OPCML: variants seen among roughly 807,000 people sequenced by gnomAD.
OPCML encodes the protein opioid-binding protein/cell adhesion molecule.
OPCML carries 13 observed loss-of-function variants against 37.8 expected under a neutral mutation model. The ratio of observed to expected loss-of-function variants is 0.34; its 90% CI spans 0.22 to 0.55. The LOEUF (loss-of-function observed/expected upper bound fraction) is 0.55. Ranked by LOEUF, OPCML falls within the 20% of genes least tolerant of loss-of-function variation. The probability of loss-of-function intolerance (pLI) is 0.91; values close to 1 mark genes in which losing one functional copy is unlikely to be tolerated. For missense variants in OPCML, 341 were observed against 435.6 expected, an observed-to-expected ratio of 0.78 and a Z score of 1.93; for synonymous variants, 176 against 168.8, an observed-to-expected ratio of 1.04 and a Z score of -0.33.
chr11:132,845,229 T>A (rs1350817325), intron 2 of OPCML, among the ~76,000 whole-genome samples: 1 of 152,118 alleles, frequency 6.6e-6, no homozygotes, highest in Non-Finnish European at 1.5e-5. Flanking sequence ...TTGTGATTTT[T>A]TTTTTCTCCT....
intron 3 of OPCML, among the ~76,000 whole-genome samples, chr11:132,622,780 C>T (rs1234446509): frequency 6.6e-6 from 1 of 152,162 alleles, no homozygotes; most frequent in African/African-American, 2.4e-5. Context: ...CTGTAGTGCC[C>T]TTGTCTTGTG....
intron 2 of OPCML, among the ~76,000 whole-genome samples, chr11:132,707,589 G>A (rs1049474654): frequency 6.6e-6 from 1 of 152,180 alleles, no homozygotes; most frequent in African/African-American, 2.4e-5. Flanking sequence ...CCAGGCACAT[G>A]GCTGAGAAAT....
chr11:133,501,443 A>G (rs2120541932), intron 1 of OPCML, among the ~76,000 whole-genome samples: 1 of 152,352 alleles, frequency 6.6e-6, no homozygotes, highest in African/African-American at 2.4e-5. Context: ...TCCCTTCCAA[A>G]ACTTAAATGA....
intron 1 of OPCML, among the ~76,000 whole-genome samples, chr11:133,466,659 A>T (rs1026803891): frequency 2.6e-5 from 4 of 152,196 alleles, no homozygotes; most frequent in African/African-American, 9.7e-5. Flanking sequence ...CTTTTTTCTC[A>T]GTTTAGAAAA....
chr11:132,615,673 T>C (rs981426550), intron 3 of OPCML, among the ~76,000 whole-genome samples: 8 of 152,284 alleles, frequency 5.3e-5, no homozygotes, highest in African/African-American at 1.9e-4. Flanking sequence ...TATAAGGTAT[T>C]TGAGCATCTG....
At chr11:133,224,951 C>T (rs1939980865) in intron 1 of OPCML, among the ~76,000 whole-genome samples, 1 of 152,182 alleles carries the variant, frequency 6.6e-6, no homozygotes, top group Admixed American at 6.5e-5. Context: ...TCAGAGGTAC[C>T]TGCAAGTTTC....
At position 132,770,742 on chromosome 11, in the gene OPCML, G is replaced by A. The variant is rs186506482; in HGVS notation, c.147-113423C>T. Among the ~76,000 whole-genome samples, 203 of 152,210 alleles carry A rather than the reference G, an allele frequency of 1.3e-3. 1 individual carries two copies. The highest frequency in any genetic ancestry group is 4.6e-3 in the African/African-American group (190 of 41,526). On this transcript the variant is annotated intron_variant, in intron 2 of 7. Transcript: ENST00000524381. ...TTTCTGAGGAGCCTACTGGAAGCACGGGCAGCTGGAATTGAACTGGCAACT... is the reference window on the plus strand; with the variant it reads ...TTTCTGAGGAGCCTACTGGAAGCACAGGCAGCTGGAATTGAACTGGCAACT...
At chr11:132,816,186 C>T (rs1235803446) in intron 2 of OPCML, among the ~76,000 whole-genome samples, 1 of 152,218 alleles carries the variant, frequency 6.6e-6, no homozygotes, top group Admixed American at 6.5e-5. Flanking sequence ...ATTCCAACTT[C>T]ATGGCATTGT....
chr11:132,795,493 G>T (rs1938252033), intron 2 of OPCML, among the ~76,000 whole-genome samples: 1 of 152,074 alleles, frequency 6.6e-6, no homozygotes, highest in Admixed American at 6.5e-5. Flanking sequence ...TCATGCCATT[G>T]GGCATGGCAC....
At chr11:132,616,561 C>A (rs1939035690) in intron 3 of OPCML, among the ~76,000 whole-genome samples, 1 of 152,142 alleles carries the variant, frequency 6.6e-6, no homozygotes, top group African/African-American at 2.4e-5. Context: ...CTCTGAAATC[C>A]ATTTCTGCTC....
At chr11:133,291,876 C>T (rs1048670239) in intron 1 of OPCML, among the ~76,000 whole-genome samples, 3 of 152,246 alleles carry the variant, frequency 2.0e-5, no homozygotes, top group African/African-American at 7.2e-5. Flanking sequence ...AAGCCTCCCA[C>T]CCCAGGGCCT....
At chr11:133,038,277 T>C (rs1245488162) in intron 1 of OPCML, among the ~76,000 whole-genome samples, 1 of 152,226 alleles carries the variant, frequency 6.6e-6, no homozygotes, top group Admixed American at 6.5e-5. Context: ...AGTGTCTCTC[T>C]GGGGCTGCTT....
chr11:132,566,635 T>A (rs537123769), intron 3 of OPCML, among the ~76,000 whole-genome samples: 1 of 152,344 alleles, frequency 6.6e-6, no homozygotes, highest in African/African-American at 2.4e-5. Flanking sequence ...GTGATAATTT[T>A]GGGTGAAACA....
chr11:132,747,508 G>A (rs1945672210), intron 2 of OPCML, among the ~76,000 whole-genome samples: 1 of 152,136 alleles, frequency 6.6e-6, no homozygotes, highest in Non-Finnish European at 1.5e-5. Context: ...AGAAATTTTG[G>A]TGACTCCAGG....
At chr11:133,062,018 TA>T (rs1301751266) in intron 1 of OPCML, among the ~76,000 whole-genome samples, 2 of 152,200 alleles carry the variant, frequency 1.3e-5, no homozygotes, top group Non-Finnish European at 2.9e-5. Context: ...GGTTTTAGAA[TA>T]AATTTCCTAG....
At chr11:132,601,419 T>C (rs1937881073) in intron 3 of OPCML, among the ~76,000 whole-genome samples, 1 of 152,208 alleles carries the variant, frequency 6.6e-6, no homozygotes, top group African/African-American at 2.4e-5. Flanking sequence ...GTAATCAATC[T>C]TGCTTTCCCT....
chr11:132,788,065 G>C (rs1305703784), intron 2 of OPCML, among the ~76,000 whole-genome samples: 2 of 152,126 alleles, frequency 1.3e-5, no homozygotes, highest in Non-Finnish European at 2.9e-5. Context: ...ATTTTTAGTA[G>C]AGATGGGGTT....
At chr11:132,615,152 A>G (rs1218405471) in intron 3 of OPCML, among the ~76,000 whole-genome samples, 1 of 152,232 alleles carries the variant, frequency 6.6e-6, no homozygotes, top group Non-Finnish European at 1.5e-5. Context: ...GATAGAGCAG[A>G]GGAGATAGCT....
At chr11:132,800,116 A>C (rs1938558818) in intron 2 of OPCML, among the ~76,000 whole-genome samples, 1 of 152,194 alleles carries the variant, frequency 6.6e-6, no homozygotes, top group African/African-American at 2.4e-5. Context: ...TGTTTTGTAG[A>C]TATCAGAGCA....
Sources: gnomAD v4.1 joint callset for allele counts (sites outside exome capture counted in the v4.1 genomes callset) on GRCh38, gnomAD v4.1.1 for gene constraint, MANE v1.5 for transcripts, NCBI Gene and HGNC (gene_info 2026-07-23, HGNC 2026-07-21) for gene names.